The following TMEM135 variants were observed in gnomAD, a reference collection of about 807,000 sequenced individuals.
The protein encoded by TMEM135 is transmembrane protein 135.
In TMEM135, 30 loss-of-function variants were observed where a neutral mutation model predicts 60.3. The ratio of observed to expected loss-of-function variants is 0.50; its 90% CI spans 0.37 to 0.68. TMEM135 has a LOEUF of 0.68. TMEM135 is among the 30% of genes least tolerant of loss of function. TMEM135 has a pLI of 0.00. For missense variants in TMEM135, 468 were observed against 548.8 expected (o/e 0.85, Z 1.47); for synonymous variants, 190 against 186.7 (o/e 1.02, Z -0.14).
In TMEM135 at chr11:87,129,213, ATTTTTTTTTTTTTTTTTTTTTTTTTT is replaced by A. The variant is rs71040295; in HGVS notation, c.397-28106_397-28081del. Among the ~76,000 whole-genome samples, 21 of 116,272 alleles carry A rather than the reference ATTTTTTTTTTTTTTTTTTTTTTTTTT, an allele frequency of 1.8e-4. 1 individual carries two copies. The highest frequency in any genetic ancestry group is 3.0e-4 in the African/African-American group (9 of 30,134). The allele number at this position is 116,272 out of a possible 152,430, so 76.3% of individuals were successfully genotyped here. A position where few individuals can be genotyped will look rare whatever the true frequency, so the allele number is the denominator to read the frequency against. On this transcript the variant is annotated intron_variant, in intron 4 of 14. Coordinates refer to ENST00000305494, the MANE Select transcript of TMEM135 (RefSeq NM_022918.4). Reference sequence around the variant, plus strand: ...TTCTATACATGTTCCTTATTCCTTAATTTTTTTTTTTTTTTTTTTTTTTTTTTTTTTTTTTTTTTTTTTTTTTGAGA... The same window carrying A: ...TTCTATACATGTTCCTTATTCCTTAATTTTTTTTTTTTTTTTTTTTTGAGA...
At chr11:87,101,654 A>G (rs995502702) in intron 4 of TMEM135, among the ~76,000 whole-genome samples, 8 of 152,152 alleles carry the variant, frequency 5.3e-5, no homozygotes, top group Non-Finnish European at 1.2e-4. Flanking sequence ...AAACATCTGT[A>G]TTTGATTTTT....
At chr11:87,201,445 G>A (rs1940092189) in intron 5 of TMEM135, among the ~76,000 whole-genome samples, 1 of 152,132 alleles carries the variant, frequency 6.6e-6, no homozygotes, top group Non-Finnish European at 1.5e-5. Flanking sequence ...TCTCGTAGAT[G>A]CAGTTTAAAT....
chr11:87,155,811 C>G (rs1412606224), intron 4 of TMEM135, among the ~76,000 whole-genome samples: 1 of 152,152 alleles, frequency 6.6e-6, no homozygotes, highest in African/African-American at 2.4e-5. Context: ...AGCTGTTTTA[C>G]TGGAATTCAG....
intron 4 of TMEM135, among the ~76,000 whole-genome samples, chr11:87,103,461 G>T (rs1170183090): frequency 6.8e-6 from 1 of 146,418 alleles, no homozygotes; most frequent in Non-Finnish European, 1.5e-5. Context: ...TTAAATGTGT[G>T]TGTTAGCCAT....
At chr11:87,279,236 G>A (rs540822598) in intron 6 of TMEM135, among the ~76,000 whole-genome samples, 24 of 152,234 alleles carry the variant, frequency 1.6e-4, no homozygotes, top group African/African-American at 5.5e-4. Flanking sequence ...AGGAAGGCCT[G>A]TAGTGATACA....
intron 5 of TMEM135, among the ~76,000 whole-genome samples, chr11:87,163,377 T>G (rs1233466196): frequency 8.3e-5 from 12 of 144,552 alleles, no homozygotes; most frequent in African/African-American, 3.1e-4. Context: ...TCATCATTTT[T>G]TATGGCTGCA....
chr11:87,287,698 AATGT>A (rs199959141), intron 6 of TMEM135, among the ~76,000 whole-genome samples: 3,653 of 152,144 alleles, frequency 0.024, 63 homozygotes, highest in Non-Finnish European at 0.034. Flanking sequence ...ATAATAAATA[AATGT>A]ATGTATGTAT....
Position 87,038,107 on chromosome 11 carries a change from C to T in TMEM135, c.62C>T (p.Pro21Leu). The change falls in exon 1 of 15, where the codon CCT becomes CTT. Residue 21 changes from proline (P) to leucine (L), a missense_variant. Transcript: ENST00000305494. ...NCYEIGHTWH[P>L]SCRVSFLQIT... ...TATGAGATCGGCCACACTTGGCACC[C>T]TTCCTGCCGGGTCTCCTTCCTGCAG... is the stretch of plus-strand genomic sequence containing the variant. The T allele has an allele frequency of 2.5e-6, 4 of 1,614,162 alleles. No individual in the cohort carries two copies. Among genetic ancestry groups the T allele is most frequent in the Non-Finnish European group, 8.5e-7 (1 of 1,180,024 alleles).
At chr11:87,055,809 C>T (rs899179047) in intron 1 of TMEM135, among the ~76,000 whole-genome samples, 4 of 151,932 alleles carry the variant, frequency 2.6e-5, no homozygotes, top group Non-Finnish European at 4.4e-5. Context: ...AGGCTGGTCT[C>T]GAACTTCTGA....
intron 5 of TMEM135, among the ~76,000 whole-genome samples, chr11:87,160,760 GA>G (rs1389780706): frequency 6.6e-6 from 1 of 151,930 alleles, no homozygotes; most frequent in African/African-American, 2.4e-5. Context: ...AAATGAATAG[GA>G]AAAAAATACC....
intron 6 of TMEM135, among the ~76,000 whole-genome samples, chr11:87,246,627 T>C (rs10160810): frequency 0.66 from 97,501 of 148,640 alleles, 32,655 homozygotes; most frequent in Non-Finnish European, 0.71. Context: ...GATACCCTTT[T>C]TTCCAGTTGA....
At chr11:87,310,845 T>C (rs1942628579) in intron 10 of TMEM135, among the ~76,000 whole-genome samples, 2 of 151,948 alleles carry the variant, frequency 1.3e-5, no homozygotes, top group Admixed American at 1.3e-4. Context: ...TTTTACTCTA[T>C]AAAAGATATG....
intron 5 of TMEM135, among the ~76,000 whole-genome samples, chr11:87,185,138 A>G (rs147614693): frequency 6.6e-6 from 1 of 152,170 alleles, no homozygotes; most frequent in African/African-American, 2.4e-5. Flanking sequence ...TTCAGTATGT[A>G]TCCTTAGAAG....
rs111794993 is a variant in TMEM135, at chr11:87,218,688, G to A, written c.463-17950G>A. Reference sequence around the variant, plus strand: ...TATAAAAATGTGCTGTAGGCTGGGCGCGGTGGCTCATGCCTGTAATCCCAG... The same window carrying A: ...TATAAAAATGTGCTGTAGGCTGGGCACGGTGGCTCATGCCTGTAATCCCAG... On this transcript the variant is annotated intron_variant, in intron 5 of 14. Transcript: ENST00000305494. Among the ~76,000 whole-genome samples the A allele has an allele frequency of 3.3e-3, 498 of 152,226 alleles. 4 individuals are homozygous for A. Among genetic ancestry groups the A allele is most frequent in the African/African-American group, 0.011 (473 of 41,520 alleles).
chr11:87,273,219 A>G (rs879304652), intron 6 of TMEM135, among the ~76,000 whole-genome samples: 4 of 152,178 alleles, frequency 2.6e-5, no homozygotes, highest in Non-Finnish European at 4.4e-5. Flanking sequence ...TAGCTGAGCA[A>G]TTCTGGACAA....
At chr11:87,102,427 AAATGTTGGTATG>A (rs999636352) in intron 4 of TMEM135, among the ~76,000 whole-genome samples, 1 of 152,152 alleles carries the variant, frequency 6.6e-6, no homozygotes, top group African/African-American at 2.4e-5. Context: ...TGACAAGAGC[AAATGTTGGTATG>A]AATATATAGG....
At position 87,326,972 on chromosome 11, in the gene TMEM135, G is replaced by A. The variant is rs570158997; in HGVS notation, c.*5639G>A. 60 of 449,360 alleles carry A rather than the reference G, an allele frequency of 1.3e-4. 1 individual carries two copies. Among genetic ancestry groups the A allele is most frequent in the Non-Finnish European group, 1.2e-4 (27 of 225,888 alleles). 27.8% of individuals were successfully genotyped at this position (449,360 alleles called of 1,614,324 possible). A position where few individuals can be genotyped will look rare whatever the true frequency, so the allele number is the denominator to read the frequency against. On this transcript the variant is annotated 3_prime_UTR_variant, in exon 15 of 15. Transcript: ENST00000305494. ...ATAACTTGGATTAAAATTCAAAAATGGGATTGCAGTCATTGTTAATTGCTC... is the reference window on the plus strand; with the variant it reads ...ATAACTTGGATTAAAATTCAAAAATAGGATTGCAGTCATTGTTAATTGCTC...
chr11:87,295,770 T>C lies in TMEM135; in HGVS notation c.510-12T>C. On this transcript the variant is annotated splice_polypyrimidine_tract_variant and intron_variant, in intron 6 of 14. Transcript: ENST00000305494. ...TATGTTATTTTATGATTGTAAATTCTTATTGTTTTAGGTGCAAGGATGGCT... is the reference window on the plus strand; with the variant it reads ...TATGTTATTTTATGATTGTAAATTCCTATTGTTTTAGGTGCAAGGATGGCT... The C allele has an allele frequency of 6.3e-7, 1 of 1,596,532 alleles. No individual in the cohort carries two copies. The highest frequency in any genetic ancestry group is 8.6e-7 in the Non-Finnish European group (1 of 1,168,950).
intron 6 of TMEM135, among the ~76,000 whole-genome samples, chr11:87,252,798 A>ATG (rs558272693): frequency 0.038 from 5,109 of 134,112 alleles, 142 homozygotes; most frequent in Middle Eastern, 0.052. Flanking sequence ...TAAAATATAT[A>ATG]TGTGTGTGTG....
Sources: allele counts gnomAD v4.1 joint callset (sites outside exome capture counted in the v4.1 genomes callset), GRCh38; gene constraint gnomAD v4.1.1; transcripts MANE v1.5; gene names NCBI Gene and HGNC (gene_info 2026-07-23, HGNC 2026-07-21).